The following LIMCH1 variants were observed in gnomAD, a reference collection of about 807,000 sequenced individuals.
The protein encoded by LIMCH1 is LIM and calponin homology domains 1.
In LIMCH1, 113 loss-of-function variants were observed where a neutral mutation model predicts 176.5. That is an observed-to-expected ratio of 0.64 (90% CI 0.55 to 0.75). The LOEUF (loss-of-function observed/expected upper bound fraction) is 0.75, where lower values mean the gene tolerates loss of function less well. Among genes scored for constraint, LIMCH1 ranks in the 30% least tolerant of loss-of-function variants. The probability of loss-of-function intolerance (pLI) is 0.00; values close to 1 mark genes in which losing one functional copy is unlikely to be tolerated. For missense variants in LIMCH1, 1,674 were observed against 1,814.9 expected (o/e 0.92, Z 1.41); for synonymous variants, 619 against 645.9 (o/e 0.96, Z 0.63).
At chr4:41,526,686 C>T (rs1385603173) in intron 3 of LIMCH1, among the ~76,000 whole-genome samples, 2 of 152,174 alleles carry the variant, frequency 1.3e-5, no homozygotes, top group African/African-American at 2.4e-5. Context: ...CTCCAGACCT[C>T]GTGTTCTGTC....
intron 1 of LIMCH1, among the ~76,000 whole-genome samples, chr4:41,556,375 A>G (rs2081268998): frequency 6.7e-6 from 1 of 149,220 alleles, no homozygotes; most frequent in South Asian, 2.2e-4. Context: ...AGCCTGGGCA[A>G]CAAGGGCAAA....
At chr4:41,564,232 C>A (rs2082421897) in intron 1 of LIMCH1, among the ~76,000 whole-genome samples, 1 of 151,994 alleles carries the variant, frequency 6.6e-6, no homozygotes, top group South Asian at 2.1e-4. Context: ...AGTAACTTGC[C>A]CAAGGTGGTA....
At chr4:41,648,369 TG>T (rs2094147785) in intron 17 of LIMCH1, among the ~76,000 whole-genome samples, 1 of 152,318 alleles carries the variant, frequency 6.6e-6, no homozygotes, top group South Asian at 2.1e-4. Flanking sequence ...TTCTTCACCA[TG>T]GCGGCAAAGT....
At chr4:41,560,767 C>T (rs2081966550) in intron 1 of LIMCH1, among the ~76,000 whole-genome samples, 1 of 152,030 alleles carries the variant, frequency 6.6e-6, no homozygotes, top group African/African-American at 2.4e-5. Flanking sequence ...TCCTGTAGTC[C>T]CAGCACTTTG....
chr4:41,535,055 A>T (rs531326693), upstream of LIMCH1, among the ~76,000 whole-genome samples: 4 of 149,482 alleles, frequency 2.7e-5, no homozygotes, highest in African/African-American at 9.8e-5. Flanking sequence ...CCAGCTACTT[A>T]GGAGGCTGAG....
At chr4:41,498,535 G>C (rs1436346939) in intron 2 of LIMCH1, among the ~76,000 whole-genome samples, 1 of 152,186 alleles carries the variant, frequency 6.6e-6, no homozygotes, top group Non-Finnish European at 1.5e-5. Flanking sequence ...TAAATGGTGT[G>C]AACCCTCTTC....
intron 1 of LIMCH1, among the ~76,000 whole-genome samples, chr4:41,413,067 A>T (rs917895173): frequency 2.0e-5 from 3 of 152,138 alleles, no homozygotes; most frequent in South Asian, 2.1e-4. Flanking sequence ...CTGGAACTTG[A>T]TAAATGTCAA....
chr4:41,476,392 G>A (rs575336768), intron 1 of LIMCH1, among the ~76,000 whole-genome samples: 2 of 152,170 alleles, frequency 1.3e-5, no homozygotes, highest in Non-Finnish European at 2.9e-5. Flanking sequence ...TCATTGCTGT[G>A]GGCGTTGTTC....
intron 18 of LIMCH1, among the ~76,000 whole-genome samples, chr4:41,652,629 G>A (rs1462024371): frequency 2.0e-5 from 3 of 152,242 alleles, no homozygotes; most frequent in Non-Finnish European, 4.4e-5. Flanking sequence ...TTGCTTTTCA[G>A]GGACAATTAA....
chr4:41,615,212 T>C (rs1166270243), intron 5 of LIMCH1, among the ~76,000 whole-genome samples: 1 of 152,232 alleles, frequency 6.6e-6, no homozygotes, highest in Non-Finnish European at 1.5e-5. Context: ...ACATATTATT[T>C]TGATTAGTTG....
intron 1 of LIMCH1, chr4:41,551,057 TATTGGAGACTAAC>T (rs1012272403): frequency 5.9e-5 from 9 of 152,198 alleles, no homozygotes; most frequent in African/African-American, 1.9e-4. Flanking sequence ...TAGGTATTCA[TATTGGAGACTAAC>T]TCTTTGATTC....
chr4:41,508,889 A>G (rs527921664), intron 2 of LIMCH1, among the ~76,000 whole-genome samples: 90 of 152,362 alleles, frequency 5.9e-4, no homozygotes, highest in Non-Finnish European at 1.2e-3. Context: ...CTGCCAGTCA[A>G]CTGATCATGA....
intron 1 of LIMCH1, among the ~76,000 whole-genome samples, chr4:41,555,015 A>G (rs969154215): frequency 6.6e-6 from 1 of 152,204 alleles, no homozygotes; most frequent in African/African-American, 2.4e-5. Context: ...AGTCTTCTCC[A>G]TTCTTTTTGA....
intron 1 of LIMCH1, among the ~76,000 whole-genome samples, chr4:41,414,461 G>T (rs4860994): frequency 0.84 from 128,532 of 152,214 alleles, 55,382 homozygotes; most frequent in East Asian, 0.99. Flanking sequence ...GATCCTTACC[G>T]TAGTGATTAG....
At chr4:41,388,834 G>T (rs144166985) in intron 1 of LIMCH1, among the ~76,000 whole-genome samples, 1 of 152,096 alleles carries the variant, frequency 6.6e-6, no homozygotes, top group Non-Finnish European at 1.5e-5. Context: ...ATAGAGATGG[G>T]GTTTTGCCAT....
chr4:41,388,936 C>T (rs2056862911), intron 1 of LIMCH1, among the ~76,000 whole-genome samples: 1 of 152,226 alleles, frequency 6.6e-6, no homozygotes, highest in Non-Finnish European at 1.5e-5. Flanking sequence ...AGCCACTGCA[C>T]CCAGCCCATA....
chr4:41,685,684 CATT>C (rs755866296), intron 27 of LIMCH1, 23 bp from the exon 28 acceptor site: 2 of 1,612,604 alleles, frequency 1.2e-6, no homozygotes, highest in African/African-American at 1.3e-5. Context: ...CTGTGCACTA[CATT>C]TATGTTCTTT....
In LIMCH1 at chr4:41,687,920, A is replaced by G. The variant is rs375972152; in HGVS notation, c.4166+3A>G. On this transcript the variant is annotated splice_donor_region_variant and intron_variant, in intron 29 of 31. Coordinates refer to ENST00000503057, the MANE Select transcript of LIMCH1 (RefSeq NM_001330672.2). ...CCTCCCGGTCAGTCACCAAACAGGT[A>G]CAAGAGGTCAGCAGGCCTTTCTGAG... The G allele has an allele frequency of 6.2e-7, 1 of 1,612,132 alleles. No homozygotes were observed. Among genetic ancestry groups the G allele is most frequent in the African/African-American group, 1.3e-5 (1 of 74,802 alleles).
At chr4:41,667,297 A>G (rs2094861255) in intron 21 of LIMCH1, among the ~76,000 whole-genome samples, 1 of 152,132 alleles carries the variant, frequency 6.6e-6, no homozygotes, top group African/African-American at 2.4e-5. Flanking sequence ...TCCTGGGTGC[A>G]TGATGATTAT....
Sources: gnomAD v4.1 joint callset for allele counts (sites outside exome capture counted in the v4.1 genomes callset) on GRCh38, gnomAD v4.1.1 for gene constraint, MANE v1.5 for transcripts, NCBI Gene and HGNC (gene_info 2026-07-23, HGNC 2026-07-21) for gene names.